The following F8 variants were observed in gnomAD, a reference collection of about 807,000 sequenced individuals.
The protein encoded by F8 is coagulation factor VIII, also known as antihemophilic factor.
Under a neutral mutation model 140.6 loss-of-function variants are expected in F8, and 12 were observed. That is an observed-to-expected ratio of 0.09 (90% CI 0.05 to 0.14). The LOEUF is 0.14. Ranked by LOEUF, F8 falls within the 10% of genes least tolerant of loss-of-function variation. The pLI is 1.00. For synonymous variants in F8, 585 were observed against 614.6 expected, an observed-to-expected ratio of 0.95 and a Z score of 0.71; for missense variants, 1,354 against 1,720.7, an observed-to-expected ratio of 0.79 and a Z score of 3.77.
intron 11 of F8, among the ~76,000 whole-genome samples, chrX:154,955,724 G>T (rs2073361887): frequency 9.0e-6 from 1 of 110,880 alleles, no homozygotes; most frequent in African/African-American, 3.3e-5. Context: ...TAGGGTGTGG[G>T]TCACAAAGAT....
chrX:155,011,120 C>T (rs1557286536), intron 1 of F8, among the ~76,000 whole-genome samples: 1 of 111,832 alleles, frequency 8.9e-6, no homozygotes, highest in East Asian at 2.8e-4. Flanking sequence ...GAAAATACTA[C>T]CCACAGAATG....
intron 2 of F8, among the ~76,000 whole-genome samples, chrX:154,999,155 A>G (rs1001917677): frequency 3.6e-5 from 4 of 111,030 alleles, no homozygotes; most frequent in African/African-American, 1.3e-4. Context: ...CGATAGGCTG[A>G]TATCTCTCTT....
chrX:154,880,925 C>T (rs782467502), intron 22 of F8, among the ~76,000 whole-genome samples: 52 of 109,530 alleles, frequency 4.7e-4, no homozygotes, highest in African/African-American at 1.7e-3. Flanking sequence ...CTAGGTTCAC[C>T]AGTATGAGTA....
In F8 at chrX:154,984,741, G is replaced by A. The variant is rs781943956; in HGVS notation, c.733C>T (p.Arg245Trp). 12 of 1,209,686 alleles carry A rather than the reference G, an allele frequency of 9.9e-6. No homozygotes were observed. The highest frequency in any genetic ancestry group is 2.2e-5 in the Admixed American group (1 of 45,746). The part of the protein sequence containing the change: ...LMQDRDAASA[R>W]AWPKMHTVNG... Reference sequence around the variant, plus strand: ...ACTGTGTGCATTTTAGGCCAGGCCCGAGCAGATGCAGCATCCCTATCCTGC... The same window carrying A: ...ACTGTGTGCATTTTAGGCCAGGCCCAAGCAGATGCAGCATCCCTATCCTGC... Residue 245 changes from arginine to tryptophan, a missense_variant, in exon 6 of 26, where the codon CGG (arginine) becomes TGG (tryptophan). Around this residue, in one of 4 missense-constraint regions of F8, gnomAD observed 128 missense variants for 230.4 expected, o/e 0.56. Transcript: ENST00000360256.
intron 22 of F8, among the ~76,000 whole-genome samples, chrX:154,880,502 C>T (rs1489047783): frequency 8.9e-6 from 1 of 111,986 alleles, no homozygotes; most frequent in African/African-American, 3.2e-5. Flanking sequence ...AATTAACTCT[C>T]CTAGCCCAAA....
At chrX:154,907,686 A>T (rs1306041230) in intron 14 of F8, among the ~76,000 whole-genome samples, 1 of 111,701 alleles carries the variant, frequency 9.0e-6, no homozygotes, top group Non-Finnish European at 1.9e-5. Context: ...TCTTTTGTGG[A>T]GCACCTATCC....
intron 4 of F8, among the ~76,000 whole-genome samples, chrX:154,989,906 G>A (rs1293415843): frequency 3.6e-5 from 4 of 112,082 alleles, no homozygotes; most frequent in Non-Finnish European, 5.6e-5. Flanking sequence ...ACCTGTTTCA[G>A]CACTGTTTAT....
chrX:154,931,761 T>A, intron 13 of F8, 85 bp from the exon 14 acceptor site: 2 of 830,710 alleles, frequency 2.4e-6, no homozygotes, highest in Admixed American at 5.0e-5. Context: ...CATTCCCAGA[T>A]AAATGAAAAA....
intron 18 of F8, among the ~76,000 whole-genome samples, chrX:154,902,417 G>A (rs2073015106): frequency 9.0e-6 from 1 of 111,561 alleles, no homozygotes; most frequent in South Asian, 3.7e-4. Flanking sequence ...GGTTGGGACA[G>A]GAGAATGCTA....
intron 22 of F8, among the ~76,000 whole-genome samples, chrX:154,868,681 A>G (rs886441062): frequency 1.8e-5 from 2 of 111,893 alleles, no homozygotes; most frequent in African/African-American, 6.5e-5. Flanking sequence ...GACAGGATCA[A>G]ATTCACACAT....
At chrX:154,944,840 A>G (rs2073293793) in intron 13 of F8, among the ~76,000 whole-genome samples, 1 of 111,919 alleles carries the variant, frequency 8.9e-6, no homozygotes, top group Admixed American at 9.5e-5. Flanking sequence ...CTATGCCGCC[A>G]TAAAAATGAT....
chrX:154,947,860 G>T lies in F8; in HGVS notation c.1951C>A (p.His651Asn). The change falls in exon 13 of 26, where the codon CAT (histidine) becomes AAT (asparagine). Residue 651 changes from histidine to asparagine, a missense_variant. Physicochemically the swap from His to Asn is moderately conservative, Grantham distance 68. Transcript: ENST00000360256. ...AGAATGTACCAGTATGCCACCTCATGCAAACAAACTGACAACTGCAAACTA... is the reference window on the plus strand; with the variant it reads ...AGAATGTACCAGTATGCCACCTCATTCAAACAAACTGACAACTGCAAACTA... The part of the protein sequence containing the change: ...FDSLQLSVCL[H>N]EVAYWYILSI... 8.3e-7 allele frequency: 1 copy of T among 1,211,127 alleles called. No individual in the cohort carries two copies. Among genetic ancestry groups the T allele is most frequent in the Non-Finnish European group, 1.1e-6 (1 of 895,050 alleles).
At chrX:155,009,121 C>T (rs1035532396) in intron 1 of F8, among the ~76,000 whole-genome samples, 16 of 103,597 alleles carry the variant, frequency 1.5e-4, no homozygotes, top group African/African-American at 5.4e-4. Flanking sequence ...CTCGCTCTGT[C>T]GCCCAGGCCG....
At chrX:154,848,010 G>A (rs1185341560) in intron 25 of F8, among the ~76,000 whole-genome samples, 1 of 112,784 alleles carries the variant, frequency 8.9e-6, no homozygotes, top group Non-Finnish European at 1.9e-5. Flanking sequence ...TAACAGACAG[G>A]ACCCTCAGCT....
rs781789363 is a variant in F8 at position 154,893,448 on chromosome X, T to C, written c.6429+2629A>G. 2.7e-5 allele frequency among the ~76,000 whole-genome samples: 3 copies of C among 112,744 alleles called. No homozygotes were observed. In the South Asian group the frequency reaches 1.1e-3, roughly 42 times the overall value. ...ATCCTGAAAGAGAGAATTGGATAGATTATTGTAGTGGCTTTAAAAAATGAC... is the reference window on the plus strand; with the variant it reads ...ATCCTGAAAGAGAGAATTGGATAGACTATTGTAGTGGCTTTAAAAAATGAC... On this transcript the variant is annotated intron_variant, in intron 22 of 25. Transcript: ENST00000360256.
At position 154,929,173 on chromosome X, in the gene F8, G is replaced by T. The variant is rs782222287; in HGVS notation, c.4617C>A (p.Leu1539=). The change falls in exon 14 of 26, where the codon CTC becomes CTA. Residue 1539 remains leucine (L), a synonymous_variant. Transcript: ENST00000360256. ...TTCCCTGAAGAAGGCTCCCTTCCAC[G>T]AGATCCAGATGGCCAGGAGACCCAT... The part of the protein sequence containing the change: ...TSNGSPGHLD[L]VEGSLLQGTE... 2 of 1,211,570 alleles carry T rather than the reference G, an allele frequency of 1.7e-6. No homozygotes were observed. Among genetic ancestry groups the T allele is most frequent in the Non-Finnish European group, 2.2e-6 (2 of 895,320 alleles).
At chrX:154,952,988 A>T (rs1036995353) in intron 12 of F8, among the ~76,000 whole-genome samples, 1 of 111,535 alleles carries the variant, frequency 9.0e-6, no homozygotes, top group Non-Finnish European at 1.9e-5. Flanking sequence ...GCATGAGAAC[A>T]CTCTTTTATC....
At chrX:154,922,676 A>G (rs1328404890) in intron 14 of F8, among the ~76,000 whole-genome samples, 2 of 112,190 alleles carry the variant, frequency 1.8e-5, no homozygotes, top group East Asian at 2.8e-4. Context: ...TATCAGGGAC[A>G]TAATTTTAAG....
In F8 at chrX:154,966,413, A is replaced by G. The variant is rs2073423999; in HGVS notation, c.1271+13T>C. The G allele has an allele frequency of 8.3e-7, 1 of 1,210,800 alleles. No individual in the cohort carries two copies. The highest frequency in any genetic ancestry group is 3.0e-5 in the East Asian group (1 of 33,820). Reference sequence around the variant, plus strand: ...TGGGGAAGAGAGAGTACCAATAGTCAAAAAGTGCTTACCTGTCATCGGGGG... The same window carrying G: ...TGGGGAAGAGAGAGTACCAATAGTCGAAAAGTGCTTACCTGTCATCGGGGG... On this transcript the variant is annotated intron_variant, in intron 8 of 25. Coordinates refer to ENST00000360256, the MANE Select transcript of F8 (RefSeq NM_000132.4).
Sources: allele counts gnomAD v4.1 joint callset (sites outside exome capture counted in the v4.1 genomes callset), GRCh38; gene constraint gnomAD v4.1.1; regional missense constraint gnomAD v4.1.1; transcripts MANE v1.5; gene names NCBI Gene and HGNC (gene_info 2026-07-23, HGNC 2026-07-21).